The following TRPM3 variants were observed in gnomAD, a reference collection of about 807,000 sequenced individuals.
The protein encoded by TRPM3 is transient receptor potential cation channel subfamily M member 3, also known as long transient receptor potential channel 3.
TRPM3 carries 77 observed loss-of-function variants against 181.2 expected under a neutral mutation model. The observed-to-expected ratio is 0.42, with a 90% CI of 0.35 to 0.51. TRPM3 has a LOEUF of 0.51. TRPM3 is among the 20% of genes least tolerant of loss of function. The probability of loss-of-function intolerance (pLI) is 0.01; values close to 1 mark genes in which losing one functional copy is unlikely to be tolerated. For synonymous variants in TRPM3, 745 were observed against 796.4 expected (o/e 0.94, Z 1.09); for missense variants, 1,759 against 2,196.7 (o/e 0.80, Z 3.98).
At chr9:70,831,772 C>T (rs2131761207) in intron 5 of TRPM3, among the ~76,000 whole-genome samples, 3 of 151,426 alleles carry the variant, frequency 2.0e-5, no homozygotes, top group Admixed American at 2.0e-4. Context: ...ATAAGACCTA[C>T]TATTTGATAG....
In TRPM3 at chr9:70,536,507, TA is replaced by T; in HGVS notation, c.4605del (p.Phe1535LeufsTer17). On this transcript the variant is annotated frameshift_variant, in exon 26 of 26. Transcript: ENST00000677713. LOFTEE classifies it high-confidence loss of function. ...TAATAGCTCCTTGAGGGGGAAAACA[TA>T]AAGCTATGAGATTTCACAATGGGAG... ...EEAPIVKSHS[F>X]MFSPSRSYYA... is the part of the protein sequence containing the mutation. The T allele has an allele frequency of 6.2e-7, 1 of 1,614,110 alleles. No homozygotes were observed. Among genetic ancestry groups the T allele is most frequent in the Non-Finnish European group, 8.5e-7 (1 of 1,180,010 alleles).
chr9:71,299,600 AC>A (rs2132318632), intron 1 of TRPM3, among the ~76,000 whole-genome samples: 1 of 152,124 alleles, frequency 6.6e-6, no homozygotes, highest in East Asian at 1.9e-4. Flanking sequence ...CGTAATGGAA[AC>A]TATTCTAATT....
At chr9:71,020,895 G>A (rs1170832903) in intron 1 of TRPM3, among the ~76,000 whole-genome samples, 2 of 152,120 alleles carry the variant, frequency 1.3e-5, no homozygotes, top group African/African-American at 4.8e-5. Context: ...CCAATGGGAA[G>A]TTTATATCTA....
At chr9:71,034,795 G>A (rs2057988273) in intron 1 of TRPM3, among the ~76,000 whole-genome samples, 1 of 151,078 alleles carries the variant, frequency 6.6e-6, no homozygotes, top group Admixed American at 6.6e-5. Flanking sequence ...GTTGAATGCT[G>A]TTGGGTTGTT....
Position 70,856,157 on chromosome 9 carries a change from G to A in TRPM3, c.462+6751C>T, listed in dbSNP as rs115610112. ...TTATTTAGCATAACATTTTCTAGAC[G>A]CAAAGATAGGATGGTTTCTTGGATG... is the stretch of plus-strand genomic sequence containing the variant. On this transcript the variant is annotated intron_variant, in intron 3 of 25. Coordinates refer to ENST00000677713, the MANE Select transcript of TRPM3 (RefSeq NM_001366145.2). Among the ~76,000 whole-genome samples the A allele has an allele frequency of 6.9e-3, 1,051 of 152,260 alleles. 13 individuals carry two copies. The highest frequency in any genetic ancestry group is 0.022 in the African/African-American group (923 of 41,552).
intron 22 of TRPM3, among the ~76,000 whole-genome samples, chr9:70,586,624 A>G (rs2057180190): frequency 6.6e-6 from 1 of 152,204 alleles, no homozygotes; most frequent in Non-Finnish European, 1.5e-5. Flanking sequence ...CTTTTCCAAA[A>G]TACTTTTTTG....
intron 1 of TRPM3, among the ~76,000 whole-genome samples, chr9:71,317,825 T>C (rs1318326681): frequency 6.6e-6 from 1 of 152,180 alleles, no homozygotes; most frequent in African/African-American, 2.4e-5. Flanking sequence ...GTACTTCGAA[T>C]TTATCTAAAT....
intron 1 of TRPM3, among the ~76,000 whole-genome samples, chr9:71,277,576 A>G (rs1588248220): frequency 6.6e-6 from 1 of 152,194 alleles, no homozygotes; most frequent in Admixed American, 6.6e-5. Context: ...GACAACAAAG[A>G]ATATTACAAG....
chr9:71,420,952 A>T (rs1182714023), intron 1 of TRPM3, among the ~76,000 whole-genome samples: 1 of 138,030 alleles, frequency 7.2e-6, no homozygotes, highest in Non-Finnish European at 1.5e-5. Context: ...GGAGAGAAAA[A>T]GGGAGAGAAA....
chr9:70,605,817 T>A (rs7865398), intron 19 of TRPM3, among the ~76,000 whole-genome samples: 30,243 of 152,218 alleles, frequency 0.2, 3,518 homozygotes, highest in South Asian at 0.34. Flanking sequence ...ATGAATATTG[T>A]TAACTGCCCT....
At chr9:70,626,349 G>A (rs111891455) in intron 12 of TRPM3, among the ~76,000 whole-genome samples, 41 of 152,280 alleles carry the variant, frequency 2.7e-4, no homozygotes, top group African/African-American at 9.4e-4. Flanking sequence ...TCTATACCAT[G>A]AATGGCTGGG....
Position 70,635,269 on chromosome 9 carries a change from C to A in TRPM3, c.1582-8G>T, listed in dbSNP as rs1282125402. 3.7e-6 allele frequency: 6 copies of A among 1,613,552 alleles called. No homozygotes were observed. The East Asian group carries it at 1.1e-4, about 30-fold the overall frequency. ...ATTTGAGGGCCCATGTCTCTGAAAA[C>A]AATAAAGAAGAATCAAACAGTTTTG... On this transcript the variant is annotated splice_polypyrimidine_tract_variant and splice_region_variant and intron_variant, in intron 11 of 25. Transcript: ENST00000677713.
chr9:71,285,005 T>A (rs1344918758), intron 1 of TRPM3, among the ~76,000 whole-genome samples: 3 of 152,212 alleles, frequency 2.0e-5, no homozygotes, highest in African/African-American at 7.2e-5. Context: ...TTCCATAATT[T>A]CAATTTTAAT....
intron 8 of TRPM3, among the ~76,000 whole-genome samples, chr9:70,759,707 A>G (rs533571781): frequency 6.6e-6 from 1 of 152,320 alleles, no homozygotes; most frequent in South Asian, 2.1e-4. Flanking sequence ...GCTGGAAACC[A>G]TCATTCTCAG....
chr9:71,016,858 A>G (rs1326159065), intron 1 of TRPM3, among the ~76,000 whole-genome samples: 1 of 152,160 alleles, frequency 6.6e-6, no homozygotes, highest in East Asian at 1.9e-4. Flanking sequence ...TATTTCCACC[A>G]ACAGTGTACA....
At position 71,339,428 on chromosome 9, in the gene TRPM3, G is replaced by T. The variant is rs541103374; in HGVS notation, c.183+107225C>A. ...ATAGCTTTACCTGATATTTACATAT[G>T]CTACAAAGCCTCCAAAAGTAAAACA... On this transcript the variant is annotated intron_variant, in intron 1 of 24. Transcript: ENST00000357533. Among the ~76,000 whole-genome samples the T allele has an allele frequency of 1.8e-4, 28 of 152,152 alleles. No individual in the cohort carries two copies. In the South Asian group the frequency reaches 5.6e-3, roughly 30 times the overall value.
chr9:71,058,837 G>T (rs943301865), intron 1 of TRPM3, among the ~76,000 whole-genome samples: 2 of 151,746 alleles, frequency 1.3e-5, no homozygotes, highest in Non-Finnish European at 1.5e-5. Flanking sequence ...TCACACCATG[G>T]TAGTCACTCA....
At chr9:70,548,602 T>C (rs2045661759) in intron 25 of TRPM3, among the ~76,000 whole-genome samples, 1 of 152,226 alleles carries the variant, frequency 6.6e-6, no homozygotes, top group Non-Finnish European at 1.5e-5. Context: ...TTCTACACTA[T>C]TTCTAATTTG....
At chr9:71,159,270 A>G (rs2076161294) in intron 1 of TRPM3, among the ~76,000 whole-genome samples, 1 of 152,032 alleles carries the variant, frequency 6.6e-6, no homozygotes, top group South Asian at 2.1e-4. Flanking sequence ...CTGAAAGCTT[A>G]TAAGAGAGAC....
Sources: allele counts gnomAD v4.1 joint callset (sites outside exome capture counted in the v4.1 genomes callset), GRCh38; gene constraint gnomAD v4.1.1; transcripts MANE v1.5; gene names NCBI Gene and HGNC (gene_info 2026-07-23, HGNC 2026-07-21).